Variants in GALNT2 observed in about 807,000 individuals in gnomAD.
GALNT2 encodes the protein UDP-GalNAc:polypeptide N-acetylgalactosaminyltransferase 2.
A neutral mutation model predicts 81.4 loss-of-function variants in GALNT2; 31 were observed. The observed-to-expected ratio is 0.38, with a 90% CI of 0.29 to 0.51. The LOEUF is 0.51. Among genes scored for constraint, GALNT2 ranks in the 20% least tolerant of loss-of-function variants. The pLI is 0.87. For synonymous variants in GALNT2, 303 were observed against 287.4 expected (o/e 1.05, Z -0.55); for missense variants, 629 against 765.7 (o/e 0.82, Z 2.11).
At chr1:230,118,708 C>T (rs997507256) in intron 1 of GALNT2, among the ~76,000 whole-genome samples, 1 of 152,170 alleles carries the variant, frequency 6.6e-6, no homozygotes, top group South Asian at 2.1e-4. Flanking sequence ...CCGCGTGGCT[C>T]CTCCCCGCAC....
chr1:230,268,150 GA>G (rs1049651321), intron 14 of GALNT2, among the ~76,000 whole-genome samples: 7 of 152,310 alleles, frequency 4.6e-5, no homozygotes, highest in African/African-American at 1.7e-4. Flanking sequence ...CTCTGTGAGG[GA>G]GGGGGAAATG....
At position 230,070,143 on chromosome 1, in the gene GALNT2, G is replaced by T. The variant is rs535787524; in HGVS notation, c.126+2737G>T. On this transcript the variant is annotated intron_variant, in intron 1 of 15. Coordinates refer to ENST00000366672, the MANE Select transcript of GALNT2 (RefSeq NM_004481.5). The surrounding 1 kb of genome is among the most constrained non-coding windows in gnomAD (Gnocchi z 4.7). Reference sequence around the variant, plus strand: ...CTGAAGACCAATCTCAGGCACTGCCGCACAACTCGGGACTCAACACCCAGG... The same window carrying T: ...CTGAAGACCAATCTCAGGCACTGCCTCACAACTCGGGACTCAACACCCAGG... 6.6e-6 allele frequency among the ~76,000 whole-genome samples: 1 copy of T among 152,178 alleles called. No individual in the cohort carries two copies. Among genetic ancestry groups the T allele is most frequent in the Admixed American group, 6.5e-5 (1 of 15,280 alleles).
chr1:230,091,047 G>T (rs192644486), intron 1 of GALNT2, among the ~76,000 whole-genome samples: 1 of 151,304 alleles, frequency 6.6e-6, no homozygotes, highest in Non-Finnish European at 1.5e-5. Flanking sequence ...TGTGTACTCC[G>T]CAGACCTTTT....
At chr1:230,133,686 C>T (rs1661443371) in intron 1 of GALNT2, among the ~76,000 whole-genome samples, 1 of 152,152 alleles carries the variant, frequency 6.6e-6, no homozygotes, top group Admixed American at 6.5e-5. Flanking sequence ...AACTCCTGAC[C>T]TCAGGTGATC....
chr1:230,169,087 T>C (rs1385674447), intron 1 of GALNT2, among the ~76,000 whole-genome samples: 2 of 152,226 alleles, frequency 1.3e-5, no homozygotes, highest in East Asian at 1.9e-4. Context: ...ATGAGAGTTA[T>C]GGGTTTGGGA....
intron 1 of GALNT2, among the ~76,000 whole-genome samples, chr1:230,118,489 C>A (rs1293705168): frequency 6.6e-6 from 1 of 152,240 alleles, no homozygotes; most frequent in Admixed American, 6.5e-5. Context: ...ACATAGCAGC[C>A]ACATCTGTTG....
At chr1:230,214,535 C>T (rs986413389) in intron 3 of GALNT2, among the ~76,000 whole-genome samples, 6 of 152,154 alleles carry the variant, frequency 3.9e-5, no homozygotes, top group South Asian at 4.2e-4. Context: ...AAATGTCTAC[C>T]GTTAGTCTTG....
At chr1:230,255,365 C>T (rs755094592) in intron 11 of GALNT2, 21 bp downstream of exon 11, 9 of 1,613,950 alleles carry the variant, frequency 5.6e-6, no homozygotes, top group Admixed American at 1.7e-5. Context: ...AAAGGCTGAG[C>T]GGGGTCCAAA....
At position 230,179,833 on chromosome 1, in the gene GALNT2, G is replaced by A. The variant is rs180914387; in HGVS notation, c.220+1522G>A. Among the ~76,000 whole-genome samples, 33 of 152,186 alleles carry A rather than the reference G, an allele frequency of 2.2e-4. No homozygotes were observed. In the East Asian group the frequency reaches 6.4e-3, roughly 29 times the overall value. The stretch of plus-strand genomic sequence containing the variant: ...TTATTTCCTTCATTGTCACGCCTTT[G>A]GTGTTTTCTCTAAAAAGTCTTCACC... On this transcript the variant is annotated intron_variant, in intron 2 of 15. Transcript: ENST00000366672.
intron 1 of GALNT2, among the ~76,000 whole-genome samples, chr1:230,081,988 C>T (rs1558274672): frequency 6.6e-6 from 1 of 152,234 alleles, no homozygotes; most frequent in African/African-American, 2.4e-5. Flanking sequence ...CTTGCTCTCC[C>T]TTCCTGCAGG....
intron 7 of GALNT2, among the ~76,000 whole-genome samples, chr1:230,244,351 C>T (rs780520326): frequency 1.4e-4 from 21 of 152,012 alleles, no homozygotes; most frequent in Non-Finnish European, 2.1e-4. Flanking sequence ...TAATAATGCA[C>T]GCAAAATCAT....
At chr1:230,129,656 C>T (rs1411822257) in intron 1 of GALNT2, among the ~76,000 whole-genome samples, 1 of 152,182 alleles carries the variant, frequency 6.6e-6, no homozygotes, top group Non-Finnish European at 1.5e-5. Flanking sequence ...ACAATACACC[C>T]AAGGGTCCTT....
intron 14 of GALNT2, among the ~76,000 whole-genome samples, chr1:230,270,150 G>A (rs570644040): frequency 2.6e-5 from 4 of 152,264 alleles, no homozygotes; most frequent in Admixed American, 6.5e-5. Flanking sequence ...GCAGTGAGCC[G>A]AGATCGCACC....
intron 5 of GALNT2, 113 bp downstream of exon 5, chr1:230,236,533 A>G: frequency 7.1e-7 from 1 of 1,408,624 alleles, no homozygotes; most frequent in Non-Finnish European, 9.9e-7. Flanking sequence ...ATCCACAGAA[A>G]GAAGAGGTGC....
At chr1:230,110,305 C>CT (rs1265129111) in intron 1 of GALNT2, among the ~76,000 whole-genome samples, 2 of 152,212 alleles carry the variant, frequency 1.3e-5, no homozygotes, top group Non-Finnish European at 2.9e-5. Context: ...ATCTCTGTCT[C>CT]TGCTCTGTGC....
intron 14 of GALNT2, among the ~76,000 whole-genome samples, chr1:230,268,103 A>G (rs1666079792): frequency 6.6e-6 from 1 of 152,164 alleles, no homozygotes; most frequent in African/African-American, 2.4e-5. Flanking sequence ...CTAGAACCAT[A>G]GTGAAAATCC....
intron 1 of GALNT2, among the ~76,000 whole-genome samples, chr1:230,147,470 G>A (rs1195006735): frequency 6.6e-6 from 1 of 152,238 alleles, no homozygotes; most frequent in Non-Finnish European, 1.5e-5. Flanking sequence ...ACTGCTGTGG[G>A]CTGAGACTGG....
chr1:230,181,943 A>G (rs1469539908), intron 2 of GALNT2, among the ~76,000 whole-genome samples: 1 of 152,096 alleles, frequency 6.6e-6, no homozygotes. Flanking sequence ...CAAATTGTCT[A>G]TTTCTTCTTA....
At chr1:230,121,828 G>A (rs532752643) in intron 1 of GALNT2, among the ~76,000 whole-genome samples, 5 of 152,216 alleles carry the variant, frequency 3.3e-5, no homozygotes, top group South Asian at 2.1e-4. Context: ...TAACTTGCTC[G>A]AGGTCACACA....
Sources: allele counts gnomAD v4.1 joint callset (sites outside exome capture counted in the v4.1 genomes callset), GRCh38; gene constraint gnomAD v4.1.1; non-coding constraint Gnocchi (gnomAD v3.1); transcripts MANE v1.5; gene names NCBI Gene and HGNC (gene_info 2026-07-23, HGNC 2026-07-21).